The following SORCS1 variants were observed in gnomAD, a reference collection of about 807,000 sequenced individuals.
The protein encoded by SORCS1 is VPS10 domain-containing receptor SorCS1.
Under a neutral mutation model 146.1 loss-of-function variants are expected in SORCS1, and 60 were observed. The ratio of observed to expected loss-of-function variants is 0.41; its 90% CI spans 0.33 to 0.51. SORCS1 has a LOEUF of 0.51. SORCS1 is among the 20% of genes least tolerant of loss of function. The pLI is 0.21. For synonymous variants in SORCS1, 637 were observed against 584.0 expected (o/e 1.09, Z -1.31); for missense variants, 1,352 against 1,487.6 (o/e 0.91, Z 1.50).
At chr10:106,835,585 G>A (rs1302439759) in intron 2 of SORCS1, among the ~76,000 whole-genome samples, 1 of 152,202 alleles carries the variant, frequency 6.6e-6, no homozygotes, top group Admixed American at 6.5e-5. Context: ...TGTGCTAGTA[G>A]TTTTAGGTGG....
chr10:107,052,270 AG>A (rs972106314), intron 1 of SORCS1, among the ~76,000 whole-genome samples: 9 of 152,298 alleles, frequency 5.9e-5, no homozygotes, highest in African/African-American at 1.9e-4. Context: ...CCTCAGACTC[AG>A]GGATGACACT....
intron 3 of SORCS1, among the ~76,000 whole-genome samples, chr10:106,793,294 A>G (rs917750323): frequency 1.3e-5 from 2 of 152,224 alleles, no homozygotes; most frequent in Non-Finnish European, 2.9e-5. Flanking sequence ...TGACAGGGGA[A>G]TCACGTATGC....
At chr10:106,828,378 A>G (rs978112083) in intron 3 of SORCS1, among the ~76,000 whole-genome samples, 1 of 152,176 alleles carries the variant, frequency 6.6e-6, no homozygotes, top group African/African-American at 2.4e-5. Flanking sequence ...TAGTTACCTG[A>G]GCCCTAATCC....
At chr10:106,666,986 G>A (rs1035647329) in intron 17 of SORCS1, 4 of 152,082 alleles carry the variant, frequency 2.6e-5, no homozygotes, top group African/African-American at 9.7e-5. Context: ...GCTCAAATGT[G>A]CCTTTTTACA....
intron 1 of SORCS1, among the ~76,000 whole-genome samples, chr10:107,071,794 T>C (rs1465334889): frequency 2.0e-5 from 3 of 152,208 alleles, no homozygotes; most frequent in African/African-American, 7.2e-5. Context: ...AATTGAAGAA[T>C]TGTTAACTAT....
intron 1 of SORCS1, among the ~76,000 whole-genome samples, chr10:107,073,468 C>T (rs564520979): frequency 6.6e-6 from 1 of 152,130 alleles, no homozygotes; most frequent in African/African-American, 2.4e-5. Context: ...TTGAGTTTAC[C>T]CTCAATTAGA....
chr10:106,582,868 A>T (rs185780564), intron 24 of SORCS1, among the ~76,000 whole-genome samples: 2 of 152,324 alleles, frequency 1.3e-5, no homozygotes, highest in Non-Finnish European at 2.9e-5. Flanking sequence ...TAATAATGGG[A>T]ACACTTACAA....
chr10:106,600,280 T>C (rs1207711408), intron 23 of SORCS1: 1 of 944,360 alleles, frequency 1.1e-6, no homozygotes, highest in East Asian at 1.2e-4. Flanking sequence ...TCTATCTGTG[T>C]CACTTACAAA....
intron 1 of SORCS1, among the ~76,000 whole-genome samples, chr10:107,116,171 A>C (rs1451413482): frequency 6.6e-6 from 1 of 152,154 alleles, no homozygotes; most frequent in Non-Finnish European, 1.5e-5. Context: ...ATTGGAATGT[A>C]AATTGGTATA....
intron 1 of SORCS1, among the ~76,000 whole-genome samples, chr10:107,052,041 G>C (rs1960174034): frequency 6.6e-6 from 1 of 152,120 alleles, no homozygotes; most frequent in South Asian, 2.1e-4. Flanking sequence ...CCTAGGCTTG[G>C]ATCTTTTGTT....
chr10:107,105,159 C>T (rs536286693), intron 1 of SORCS1, among the ~76,000 whole-genome samples: 8 of 152,238 alleles, frequency 5.3e-5, no homozygotes, highest in African/African-American at 1.4e-4. Flanking sequence ...CATATCTAGC[C>T]TAAATGAAGA....
At chr10:107,118,064 C>T (rs1270444015) in intron 1 of SORCS1, among the ~76,000 whole-genome samples, 2 of 152,078 alleles carry the variant, frequency 1.3e-5, no homozygotes, top group Non-Finnish European at 2.9e-5. Flanking sequence ...TATGTTGAAA[C>T]CTTATCCCCA....
At chr10:106,617,181 C>T (rs1352886235) in intron 21 of SORCS1, among the ~76,000 whole-genome samples, 1 of 152,056 alleles carries the variant, frequency 6.6e-6, no homozygotes, top group South Asian at 2.1e-4. Flanking sequence ...TCTCGAACTC[C>T]TGACCTCAGG....
At chr10:106,970,421 C>A (rs1054309899) in intron 1 of SORCS1, among the ~76,000 whole-genome samples, 8 of 148,736 alleles carry the variant, frequency 5.4e-5, no homozygotes, top group Non-Finnish European at 1.2e-4. Context: ...CCACTGCAAC[C>A]ACCACCTTCT....
intron 6 of SORCS1, among the ~76,000 whole-genome samples, chr10:106,720,649 T>C (rs563903074): frequency 6.6e-6 from 1 of 151,766 alleles, no homozygotes; most frequent in African/African-American, 2.4e-5. Context: ...CACCTGCATG[T>C]TATATGGAGT....
At chr10:106,991,089 C>T (rs1165428524) in intron 1 of SORCS1, among the ~76,000 whole-genome samples, 1 of 152,162 alleles carries the variant, frequency 6.6e-6, no homozygotes, top group African/African-American at 2.4e-5. Flanking sequence ...CTGACTTATG[C>T]TTATGTTCAC....
chr10:106,643,803 G>A (rs1238332689), intron 18 of SORCS1, among the ~76,000 whole-genome samples: 1 of 152,218 alleles, frequency 6.6e-6, no homozygotes, highest in Non-Finnish European at 1.5e-5. Context: ...TTGAACAGAT[G>A]AGAACCAGGC....
At chr10:106,680,968 T>A (rs1852393951) in intron 10 of SORCS1, among the ~76,000 whole-genome samples, 1 of 152,224 alleles carries the variant, frequency 6.6e-6, no homozygotes, top group South Asian at 2.1e-4. Context: ...ATGGGATATT[T>A]TCTTTACTGC....
intron 5 of SORCS1, among the ~76,000 whole-genome samples, chr10:106,760,832 C>T (rs1811757531): frequency 6.6e-6 from 1 of 152,106 alleles, no homozygotes; most frequent in Admixed American, 6.5e-5. Flanking sequence ...GCCGGCCAGG[C>T]ATGCTGGCTC....
Sources: allele counts gnomAD v4.1 joint callset (sites outside exome capture counted in the v4.1 genomes callset), GRCh38; gene constraint gnomAD v4.1.1; transcripts MANE v1.5; gene names NCBI Gene and HGNC (gene_info 2026-07-23, HGNC 2026-07-21).